SOX5: variants seen among roughly 807,000 people sequenced by gnomAD.
The protein encoded by SOX5 is transcription factor SOX-5.
SOX5 carries 9 observed loss-of-function variants against 92.0 expected under a neutral mutation model. That is an observed-to-expected ratio of 0.10 (90% CI 0.06 to 0.17). The LOEUF is 0.17. SOX5 is among the 10% of genes least tolerant of loss of function. The probability of loss-of-function intolerance (pLI) is 1.00; values close to 1 mark genes in which losing one functional copy is unlikely to be tolerated. For synonymous variants in SOX5, 344 were observed against 336.3 expected (o/e 1.02, Z -0.25); for missense variants, 642 against 944.5 (o/e 0.68, Z 4.20).
At chr12:23,962,242 AAGC>A (rs1354197066) in intron 4 of SOX5, among the ~76,000 whole-genome samples, 2 of 150,060 alleles carry the variant, frequency 1.3e-5, no homozygotes, top group Admixed American at 6.7e-5. Context: ...CCTACTTGAA[AAGC>A]CATTAATTTG....
rs116887558 is a variant in SOX5 at position 24,205,736 on chromosome 12, T to C, written c.-2+7607A>G. On this transcript the variant is annotated intron_variant, in intron 4 of 4. Transcript: ENST00000446891. ...GCTTCAATGGTTTCCAAATAGACTC[T>C]TAAGAAAGCTTTCTGAGCTTTTTAC... is the stretch of plus-strand genomic sequence containing the variant. Among the ~76,000 whole-genome samples the C allele has an allele frequency of 2.9e-3, 448 of 152,310 alleles. 2 individuals are homozygous for C. Among genetic ancestry groups the C allele is most frequent in the Non-Finnish European group, 5.2e-3 (353 of 68,014 alleles).
intron 1 of SOX5, among the ~76,000 whole-genome samples, chr12:24,447,286 T>C (rs1160398437): frequency 6.6e-6 from 1 of 152,198 alleles, no homozygotes; most frequent in Non-Finnish European, 1.5e-5. Context: ...TGGTATGATG[T>C]GATGAAAACG....
At chr12:24,411,360 G>C (rs1029353943) in intron 1 of SOX5, among the ~76,000 whole-genome samples, 7 of 152,016 alleles carry the variant, frequency 4.6e-5, no homozygotes, top group Non-Finnish European at 7.4e-5. Flanking sequence ...GTTGAAGAAG[G>C]GTCATGAGAA....
At chr12:24,521,680 G>A (rs1950276370) in intron 1 of SOX5, among the ~76,000 whole-genome samples, 1 of 152,042 alleles carries the variant, frequency 6.6e-6, no homozygotes, top group African/African-American at 2.4e-5. Context: ...ACAAACGCAT[G>A]GAAAGTAAAC....
chr12:23,858,087 G>GCA (rs1274969134), intron 2 of SOX5, among the ~76,000 whole-genome samples: 2 of 151,784 alleles, frequency 1.3e-5, no homozygotes, highest in African/African-American at 4.8e-5. Flanking sequence ...GTGTGTGTGT[G>GCA]TGTATATGCA....
chr12:24,212,531 G>T, intron 4 of SOX5: 1 of 524,052 alleles, frequency 1.9e-6, no homozygotes, highest in Non-Finnish European at 3.9e-6. Context: ...TACAAGGAAG[G>T]AGGGGACCAC....
rs1362354142 is a variant in SOX5 at position 24,287,594 on chromosome 12, T to A, written c.-173-10282A>T. On this transcript the variant is annotated intron_variant, in intron 2 of 4. Transcript: ENST00000446891. ...TTAAAAACAGTGATTCTCAAATCCTTTTTTTTTTTTTTTTTTTTTTTTTGC... is the reference window on the plus strand; with the variant it reads ...TTAAAAACAGTGATTCTCAAATCCTATTTTTTTTTTTTTTTTTTTTTTTGC... Among the ~76,000 whole-genome samples the A allele has an allele frequency of 1.6e-4, 5 of 31,308 alleles. No individual in the cohort carries two copies. The South Asian group carries it at 6.3e-3, about 39-fold the overall frequency. 20.5% of individuals were successfully genotyped at this position (31,308 alleles called of 152,430 possible). A position where few individuals can be genotyped will look rare whatever the true frequency, so the allele number is the denominator to read the frequency against.
chr12:23,803,485 A>G (rs1400386600), intron 3 of SOX5, among the ~76,000 whole-genome samples: 3 of 152,154 alleles, frequency 2.0e-5, no homozygotes, highest in African/African-American at 7.2e-5. Flanking sequence ...TGTAAAGCCA[A>G]AAACCCCATT....
At chr12:24,007,893 C>T (rs1952494791) in intron 4 of SOX5, among the ~76,000 whole-genome samples, 1 of 150,342 alleles carries the variant, frequency 6.7e-6, no homozygotes, top group Non-Finnish European at 1.5e-5. Context: ...CCTTAATATT[C>T]CATTATTTCT....
At chr12:24,026,918 A>G (rs996461181) in intron 4 of SOX5, among the ~76,000 whole-genome samples, 5 of 152,022 alleles carry the variant, frequency 3.3e-5, no homozygotes, top group Admixed American at 1.3e-4. Context: ...TTAAAGGTTA[A>G]TTTTAAAGCC....
intron 3 of SOX5, among the ~76,000 whole-genome samples, chr12:23,799,664 G>A (rs2095627018): frequency 6.6e-6 from 1 of 151,858 alleles, no homozygotes. Context: ...AATAAGTTTG[G>A]TCCTCCTCAA....
At chr12:23,890,445 A>T (rs973737912) in intron 2 of SOX5, among the ~76,000 whole-genome samples, 1 of 152,202 alleles carries the variant, frequency 6.6e-6, no homozygotes, top group Non-Finnish European at 1.5e-5. Flanking sequence ...TTCAACAACC[A>T]CAGGTGGTCA....
chr12:24,227,709 A>T (rs983973322), intron 3 of SOX5: 1 of 152,206 alleles, frequency 6.6e-6, no homozygotes, highest in African/African-American at 2.4e-5. Context: ...TATCACATAC[A>T]GGGCACTAAT....
chr12:23,959,411 C>T (rs551412274), intron 4 of SOX5, among the ~76,000 whole-genome samples: 67 of 151,960 alleles, frequency 4.4e-4, no homozygotes, highest in Admixed American at 3.8e-3. Context: ...ACAAAATGCC[C>T]TATATGCTCA....
At chr12:24,488,110 A>T (rs1245477844) in intron 1 of SOX5, among the ~76,000 whole-genome samples, 2 of 152,210 alleles carry the variant, frequency 1.3e-5, no homozygotes, top group African/African-American at 4.8e-5. Flanking sequence ...AAAAAGAGAA[A>T]AAAATGCTGA....
intron 4 of SOX5, among the ~76,000 whole-genome samples, chr12:23,754,424 T>G (rs575454381): frequency 1.3e-5 from 2 of 151,954 alleles, no homozygotes; most frequent in South Asian, 2.1e-4. Flanking sequence ...TCAGTTCTCC[T>G]TAAACTTTCT....
chr12:24,511,963 A>C (rs1467453701), intron 1 of SOX5, among the ~76,000 whole-genome samples: 5 of 151,978 alleles, frequency 3.3e-5, no homozygotes, highest in African/African-American at 1.2e-4. Flanking sequence ...ATCTCAAAAA[A>C]AAAAAAAAAG....
chr12:23,903,115 T>C (rs535149917), intron 1 of SOX5, among the ~76,000 whole-genome samples: 51 of 152,286 alleles, frequency 3.3e-4, no homozygotes, highest in African/African-American at 1.2e-3. Flanking sequence ...TAGTGAAAGA[T>C]ACTATGTGCC....
intron 4 of SOX5, among the ~76,000 whole-genome samples, chr12:24,091,593 C>T (rs1293045646): frequency 6.6e-6 from 1 of 151,876 alleles, no homozygotes; most frequent in East Asian, 1.9e-4. Context: ...CCACACCCAG[C>T]TAGTTTTTTT....
Sources: gnomAD v4.1 joint callset for allele counts (sites outside exome capture counted in the v4.1 genomes callset) on GRCh38, gnomAD v4.1.1 for gene constraint, MANE v1.5 for transcripts, NCBI Gene and HGNC (gene_info 2026-07-23, HGNC 2026-07-21) for gene names.